Variants in CAST observed in about 807,000 individuals in gnomAD.
The protein encoded by CAST is MIR583 host.
CAST carries 76 observed loss-of-function variants against 119.6 expected under a neutral mutation model. The ratio of observed to expected loss-of-function variants is 0.64; its 90% CI spans 0.53 to 0.77. The LOEUF (loss-of-function observed/expected upper bound fraction) is 0.77, where lower values mean the gene tolerates loss of function less well. Ranked by LOEUF, CAST falls within the 30% of genes least tolerant of loss-of-function variation. The pLI is 0.00. For synonymous variants in CAST, 319 were observed against 331.6 expected (o/e 0.96, Z 0.41); for missense variants, 953 against 946.5 (o/e 1.01, Z -0.09).
the CAST span, among the ~76,000 whole-genome samples, chr5:96,073,200 T>C: frequency 1.3e-5 from 2 of 152,208 alleles, no homozygotes; most frequent in South Asian, 4.1e-4. Flanking sequence ...TGTTTTATTT[T>C]ATATTTTTAA....
the CAST span, among the ~76,000 whole-genome samples, chr5:96,503,055 A>C: frequency 6.6e-6 from 1 of 152,194 alleles, no homozygotes; most frequent in African/African-American, 2.4e-5. Context: ...CTAAAAGGCT[A>C]CTGTAATTTA....
chr5:96,719,489 G>A (rs1757818517), intron 3 of CAST, among the ~76,000 whole-genome samples: 1 of 152,144 alleles, frequency 6.6e-6, no homozygotes, highest in African/African-American at 2.4e-5. Flanking sequence ...AATAATTGTT[G>A]AATAGGCGGG....
intron 2 of CAST, among the ~76,000 whole-genome samples, chr5:96,676,856 C>G (rs1330779587): frequency 6.6e-6 from 1 of 151,700 alleles, no homozygotes; most frequent in Non-Finnish European, 1.5e-5. Context: ...AGTTCAAGAC[C>G]AGTCTGGCCA....
chr5:96,178,687 T>G, the CAST span, among the ~76,000 whole-genome samples: 7 of 151,972 alleles, frequency 4.6e-5, no homozygotes, highest in African/African-American at 1.4e-4. Flanking sequence ...GGGGGAGCAC[T>G]GGCTGGTTGA....
At chr5:96,534,790 AAAGAAAGAAAG>A (rs1220767510) in intron 1 of CAST, among the ~76,000 whole-genome samples, 36 of 128,074 alleles carry the variant, frequency 2.8e-4, no homozygotes, top group African/African-American at 9.2e-4. Flanking sequence ...AGAAAGAAAG[AAAGAAAGAAAG>A]AAGAAAGAAA....
At chr5:96,144,673 T>C in the CAST span, among the ~76,000 whole-genome samples, 5 of 74,570 alleles carry the variant, frequency 6.7e-5, no homozygotes, top group African/African-American at 1.5e-4. Context: ...CCAGACACCA[T>C]TTTTTTTTTT....
chr5:96,135,488 A>G, the CAST span, among the ~76,000 whole-genome samples: 1 of 152,156 alleles, frequency 6.6e-6, no homozygotes, highest in Non-Finnish European at 1.5e-5. Context: ...GGTAAGGGGT[A>G]AGGGAGAAGT....
In CAST at chr5:96,534,753, GAAAGAAAGAAAGAAAGAA is replaced by G. The variant is rs1745761670; in HGVS notation, c.60+4875_60+4892del. ...AGAGAGAGAGAGAGAAAGAAAGAAA[GAAAGAAAGAAAGAAAGAA>G]AGAAAGAAAGAAAGAAAGAAAGAAA... On this transcript the variant is annotated intron_variant, in intron 1 of 11. Transcript: ENST00000505143. Among the ~76,000 whole-genome samples, 6 of 44,602 alleles carry G rather than the reference GAAAGAAAGAAAGAAAGAA, an allele frequency of 1.3e-4. 1 individual carries two copies. The highest frequency in any genetic ancestry group is 4.1e-4 in the African/African-American group (5 of 12,306). 29.3% of individuals were successfully genotyped at this position (44,602 alleles called of 152,430 possible). A position where few individuals can be genotyped will look rare whatever the true frequency, so the allele number is the denominator to read the frequency against.
the CAST span, among the ~76,000 whole-genome samples, chr5:96,326,625 ATTGT>A: frequency 6.7e-5 from 10 of 149,168 alleles, no homozygotes; most frequent in African/African-American, 2.5e-4. Flanking sequence ...CGGTATTGCC[ATTGT>A]TTGTTTGCAG....
At chr5:96,350,308 A>G in the CAST span, among the ~76,000 whole-genome samples, 1 of 152,172 alleles carries the variant, frequency 6.6e-6, no homozygotes, top group Non-Finnish European at 1.5e-5. Flanking sequence ...TACACAATTT[A>G]CGTATGAGAA....
At chr5:96,513,067 C>T in the CAST span, among the ~76,000 whole-genome samples, 40 of 152,324 alleles carry the variant, frequency 2.6e-4, no homozygotes, top group Middle Eastern at 3.4e-3. Flanking sequence ...GCTTATCACT[C>T]ATTTGGGTCC....
chr5:96,549,412 T>TA (rs1342253518), intron 1 of CAST, among the ~76,000 whole-genome samples: 1 of 152,232 alleles, frequency 6.6e-6, no homozygotes, highest in Non-Finnish European at 1.5e-5. Context: ...AATAAATGTT[T>TA]AAAAAATTAA....
chr5:96,355,073 T>A, the CAST span, among the ~76,000 whole-genome samples: 3 of 152,140 alleles, frequency 2.0e-5, no homozygotes, highest in Non-Finnish European at 2.9e-5. Context: ...GCAGGTTTTT[T>A]ACATAGGTAT....
chr5:96,008,913 C>G, the CAST span, among the ~76,000 whole-genome samples: 3 of 152,126 alleles, frequency 2.0e-5, no homozygotes, highest in East Asian at 3.9e-4. Context: ...GAGTATGGAT[C>G]CCATCATCCA....
chr5:96,144,464 C>T, the CAST span, among the ~76,000 whole-genome samples: 9 of 152,258 alleles, frequency 5.9e-5, no homozygotes, highest in Admixed American at 2.0e-4. Context: ...CCTGTTTAGC[C>T]GCTGCTATTT....
chr5:96,151,103 G>A, the CAST span, among the ~76,000 whole-genome samples: 1 of 152,138 alleles, frequency 6.6e-6, no homozygotes, highest in Non-Finnish European at 1.5e-5. Flanking sequence ...TAGGTTTAGA[G>A]TTCTGATATT....
chr5:96,573,506 G>A (rs758741020), intron 1 of CAST, among the ~76,000 whole-genome samples: 9 of 152,060 alleles, frequency 5.9e-5, no homozygotes, highest in Admixed American at 1.3e-4. Context: ...TAGTGTGATC[G>A]TGCATGCCTG....
the CAST span, among the ~76,000 whole-genome samples, chr5:96,010,670 T>C: frequency 6.6e-6 from 1 of 152,368 alleles, no homozygotes; most frequent in South Asian, 2.1e-4. Flanking sequence ...AGGAATAGCA[T>C]TGAATCTGTA....
chr5:96,011,600 A>G, the CAST span, among the ~76,000 whole-genome samples: 3 of 152,212 alleles, frequency 2.0e-5, no homozygotes. Context: ...CATACCACAC[A>G]GTACCACACT....
Sources: gnomAD v4.1 joint callset for allele counts (sites outside exome capture counted in the v4.1 genomes callset) on GRCh38, gnomAD v4.1.1 for gene constraint, MANE v1.5 for transcripts, NCBI Gene and HGNC (gene_info 2026-07-23, HGNC 2026-07-21) for gene names.